Variants in CD200R1 observed in about 807,000 individuals in gnomAD.
The protein encoded by CD200R1 is CD200 receptor 1, also known as cell surface glycoprotein CD200 receptor 1.
Under a neutral mutation model 38.1 loss-of-function variants are expected in CD200R1, and 30 were observed. The ratio of observed to expected loss-of-function variants is 0.79; its 90% CI spans 0.59 to 1.07. CD200R1 has a LOEUF of 1.07. Among genes scored for constraint, CD200R1 ranks in the 50% least tolerant of loss-of-function variants. The probability of loss-of-function intolerance (pLI) is 0.00; values close to 1 mark genes in which losing one functional copy is unlikely to be tolerated. For synonymous variants in CD200R1, 128 were observed against 152.1 expected, an observed-to-expected ratio of 0.84 and a Z score of 1.16; for missense variants, 372 against 415.4, an observed-to-expected ratio of 0.90 and a Z score of 0.91.
rs6438117 is a variant in CD200R1 at position 112,929,278 on chromosome 3, G to T, written c.432C>A (p.Thr144=). 0.55 allele frequency: 890,461 copies of T among 1,613,286 alleles called. 248,134 individuals carry two copies. The highest frequency in any genetic ancestry group is 0.7 in the East Asian group (31,281 of 44,826). Reference sequence around the variant, plus strand: ...AATACCCGTCATGAGTGATGGCCACGGTACGAATCTGAAGGTCCGAATTCT... The same window carrying T: ...AATACCCGTCATGAGTGATGGCCACTGTACGAATCTGAAGGTCCGAATTCT... ...PDQNSDLQIR[T]VAITHDGYYR... The change falls in exon 4 of 8, where the codon ACC becomes ACA. Residue 144 remains threonine, a synonymous_variant. Coordinates refer to ENST00000308611, the MANE Select transcript of CD200R1 (RefSeq NM_138806.4).
At chr3:112,956,336 G>A (rs1282015862) in intron 1 of CD200R1, among the ~76,000 whole-genome samples, 1 of 151,092 alleles carries the variant, frequency 6.6e-6, no homozygotes, top group African/African-American at 2.4e-5. Context: ...GTATTTTTCA[G>A]CACTAGGATT....
chr3:112,955,037 T>C (rs1941058828), intron 1 of CD200R1, among the ~76,000 whole-genome samples: 1 of 152,186 alleles, frequency 6.6e-6, no homozygotes, highest in Non-Finnish European at 1.5e-5. Flanking sequence ...GTTTGGTGTG[T>C]AGAAAAAAAC....
chr3:112,965,438 G>C lies in CD200R1; in HGVS notation c.67+9353C>G, dbSNP rs112567302. 6.3e-3 allele frequency among the ~76,000 whole-genome samples: 960 copies of C among 152,188 alleles called. 1 individual carries two copies. The highest frequency in any genetic ancestry group is 8.0e-3 in the Non-Finnish European group (542 of 67,988). On this transcript the variant is annotated intron_variant, in intron 1 of 7. Transcript: ENST00000308611. ...GTTAAACTTGAAAGAGAGAGAGATG[G>C]GGCAACATCAGGAGCTATGAGGGAT...
rs759981149 is a variant in CD200R1 at position 112,928,841 on chromosome 3, C to T, written c.744G>A (p.Lys248=). The T allele has an allele frequency of 8.7e-6, 14 of 1,613,520 alleles. No individual in the cohort carries two copies. In the Admixed American group the frequency reaches 2.3e-4, roughly 27 times the overall value. ...TCHVSHLTGN[K]SLYIELLPVP... ...CAGGAAGTAGCTCTATGTACAGACTCTTGTTGCCAGTCAAATGGGAGACGT... is the reference window on the plus strand; with the variant it reads ...CAGGAAGTAGCTCTATGTACAGACTTTTGTTGCCAGTCAAATGGGAGACGT... The change falls in exon 5 of 8, where the codon AAG becomes AAA. Residue 248 remains lysine (K), a synonymous_variant. Coordinates refer to ENST00000308611, the MANE Select transcript of CD200R1 (RefSeq NM_138806.4).
At chr3:112,969,796 A>G (rs886080837) in intron 1 of CD200R1, among the ~76,000 whole-genome samples, 1 of 152,178 alleles carries the variant, frequency 6.6e-6, no homozygotes, top group Non-Finnish European at 1.5e-5. Flanking sequence ...ACTCTATCTC[A>G]GAGTCTAACT....
intron 2 of CD200R1, among the ~76,000 whole-genome samples, chr3:112,942,553 T>C (rs942039617): frequency 4.6e-5 from 7 of 151,018 alleles, no homozygotes; most frequent in African/African-American, 1.7e-4. Flanking sequence ...AAGACAAAAA[T>C]AGGAACAAAG....
intron 1 of CD200R1, among the ~76,000 whole-genome samples, chr3:112,952,284 C>CA (rs1364480561): frequency 1.3e-5 from 2 of 152,020 alleles, no homozygotes; most frequent in Non-Finnish European, 2.9e-5. Context: ...CTTTCTTTCT[C>CA]AGATAGTTCA....
chr3:112,922,462 C>T lies in CD200R1; in HGVS notation c.*1215G>A, dbSNP rs572575116. 5 of 152,056 alleles carry T rather than the reference C, an allele frequency of 3.3e-5. No individual in the cohort carries two copies. Among genetic ancestry groups the T allele is most frequent in the Admixed American group, 6.6e-5 (1 of 15,238 alleles). The allele number at this position is 152,056 out of a possible 1,614,324, so 9.4% of individuals were successfully genotyped here. ...AGCTCATAGTTTGTAAATAAATACC[C>T]CATGTCCTCTATGGTGCATTTTTCG... On this transcript the variant is annotated 3_prime_UTR_variant, in exon 8 of 8. Transcript: ENST00000308611.
At chr3:112,932,834 T>C (rs2107308438) in intron 2 of CD200R1, among the ~76,000 whole-genome samples, 1 of 151,444 alleles carries the variant, frequency 6.6e-6, no homozygotes, top group East Asian at 2.0e-4. Flanking sequence ...CCCCACAAGC[T>C]CACTGTTGGC....
chr3:112,963,456 G>A (rs1037908838), intron 1 of CD200R1, among the ~76,000 whole-genome samples: 5 of 152,206 alleles, frequency 3.3e-5, no homozygotes, highest in Non-Finnish European at 5.9e-5. Context: ...AGATGGGGAT[G>A]AGGATCTTGT....
chr3:112,945,943 G>A (rs991055506), intron 2 of CD200R1, among the ~76,000 whole-genome samples: 2 of 146,516 alleles, frequency 1.4e-5, no homozygotes, highest in Non-Finnish European at 1.5e-5. Flanking sequence ...TGAGGCAGAA[G>A]AATGGCGTGA....
In CD200R1 at chr3:112,965,300, C is replaced by T. The variant is rs146404569; in HGVS notation, c.67+9491G>A. Among the ~76,000 whole-genome samples, 4 of 152,198 alleles carry T rather than the reference C, an allele frequency of 2.6e-5. No homozygotes were observed. In the East Asian group the frequency reaches 7.7e-4, roughly 29 times the overall value. On this transcript the variant is annotated intron_variant, in intron 1 of 7. Coordinates refer to ENST00000308611, the MANE Select transcript of CD200R1 (RefSeq NM_138806.4). ...TTAACAAAGAAGTACAAGTGGAAAC[C>T]AGATTGAAAGGGGCTGATCAGAGGT...
intron 2 of CD200R1, among the ~76,000 whole-genome samples, 162 bp downstream of exon 2, chr3:112,947,694 A>C (rs144914851): frequency 1.3e-5 from 2 of 152,242 alleles, no homozygotes; most frequent in African/African-American, 4.8e-5. Flanking sequence ...CTAAATAAGC[A>C]TAGAAATAAT....
chr3:112,938,098 G>C, intron 2 of CD200R1, among the ~76,000 whole-genome samples: 1 of 152,096 alleles, frequency 6.6e-6, no homozygotes, highest in Non-Finnish European at 1.5e-5. Flanking sequence ...GGGCTGAGAT[G>C]ATGGGGTTTT....
chr3:112,931,749 TCTC>T (rs1331076476), intron 2 of CD200R1, among the ~76,000 whole-genome samples: 1 of 151,884 alleles, frequency 6.6e-6, no homozygotes, highest in Non-Finnish European at 1.5e-5. Context: ...CTGGTGCACA[TCTC>T]CTCCAAAAGA....
chr3:112,963,221 T>A (rs1933066654), intron 1 of CD200R1, among the ~76,000 whole-genome samples: 1 of 152,222 alleles, frequency 6.6e-6, no homozygotes, highest in Admixed American at 6.5e-5. Context: ...GAAAACAGAC[T>A]AATACAGCAA....
At chr3:112,932,833 C>G (rs2107308434) in intron 2 of CD200R1, among the ~76,000 whole-genome samples, 1 of 152,184 alleles carries the variant, frequency 6.6e-6, no homozygotes, top group Admixed American at 6.5e-5. Flanking sequence ...GCCCCACAAG[C>G]TCACTGTTGG....
At chr3:112,966,114 A>C (rs1207357575) in intron 1 of CD200R1, among the ~76,000 whole-genome samples, 1 of 152,210 alleles carries the variant, frequency 6.6e-6, no homozygotes, top group African/African-American at 2.4e-5. Context: ...ATCTGTGGAC[A>C]TTAAAGAAGT....
At chr3:112,947,176 A>C (rs1940883551) in intron 2 of CD200R1, among the ~76,000 whole-genome samples, 1 of 152,130 alleles carries the variant, frequency 6.6e-6, no homozygotes, top group Non-Finnish European at 1.5e-5. Context: ...CAGTGAAATT[A>C]CTCTATAAAA....
Sources: gnomAD v4.1 joint callset for allele counts (sites outside exome capture counted in the v4.1 genomes callset) on GRCh38, gnomAD v4.1.1 for gene constraint, MANE v1.5 for transcripts, NCBI Gene and HGNC (gene_info 2026-07-23, HGNC 2026-07-21) for gene names.